The following FAR2 variants were observed in gnomAD, a reference collection of about 807,000 sequenced individuals.
The protein encoded by FAR2 is epididymis secretory protein Li 81.
FAR2 carries 19 observed loss-of-function variants against 56.0 expected under a neutral mutation model. The observed-to-expected ratio is 0.34, with a 90% CI of 0.24 to 0.50. The LOEUF is 0.50. Ranked by LOEUF, FAR2 falls within the 20% of genes least tolerant of loss-of-function variation. The probability of loss-of-function intolerance (pLI) is 0.98; values close to 1 mark genes in which losing one functional copy is unlikely to be tolerated. For synonymous variants in FAR2, 219 were observed against 218.8 expected (o/e 1.00, Z -0.01); for missense variants, 508 against 642.2 (o/e 0.79, Z 2.26).
At chr12:29,312,765 C>T (rs1949375609) in intron 8 of FAR2, among the ~76,000 whole-genome samples, 2 of 152,072 alleles carry the variant, frequency 1.3e-5, no homozygotes, top group East Asian at 3.9e-4. Flanking sequence ...TTCTTACTAC[C>T]TACTAATGCA....
chr12:29,181,483 T>C (rs1949991164), intron 1 of FAR2, among the ~76,000 whole-genome samples: 1 of 152,212 alleles, frequency 6.6e-6, no homozygotes, highest in Non-Finnish European at 1.5e-5. Flanking sequence ...CTGGTCAGCT[T>C]GTGTTTTCAC....
chr12:29,272,946 A>T (rs1321192381), intron 2 of FAR2, among the ~76,000 whole-genome samples: 1 of 151,922 alleles, frequency 6.6e-6, no homozygotes, highest in Non-Finnish European at 1.5e-5. Context: ...GGCCTTATTC[A>T]TCTGATTTTC....
chr12:29,265,085 A>G (rs549314408), intron 1 of FAR2, among the ~76,000 whole-genome samples: 15 of 152,362 alleles, frequency 9.8e-5, no homozygotes, highest in African/African-American at 3.6e-4. Context: ...CAATATTGTT[A>G]AAATGCCTAT....
intron 9 of FAR2, among the ~76,000 whole-genome samples, chr12:29,320,008 A>G (rs902023307): frequency 1.6e-4 from 24 of 152,122 alleles, no homozygotes; most frequent in African/African-American, 5.8e-4. Context: ...TCAAGACCAG[A>G]CTAGGCAACA....
intron 1 of FAR2, among the ~76,000 whole-genome samples, chr12:29,200,288 C>A (rs187221527): frequency 3.9e-5 from 6 of 152,244 alleles, no homozygotes; most frequent in Admixed American, 2.6e-4. Flanking sequence ...CAAACCATGC[C>A]ATGAGGCCAG....
intron 1 of FAR2, among the ~76,000 whole-genome samples, chr12:29,176,416 C>G (rs1020911997): frequency 1.3e-5 from 2 of 152,190 alleles, no homozygotes; most frequent in African/African-American, 4.8e-5. Context: ...GGCAGGTCAT[C>G]TGTCAGTCTC....
intron 1 of FAR2, among the ~76,000 whole-genome samples, chr12:29,176,628 A>C (rs565208544): frequency 2.0e-5 from 3 of 152,262 alleles, no homozygotes; most frequent in Non-Finnish European, 4.4e-5. Context: ...TATTTGAACA[A>C]AAAGTCAAAA....
chr12:29,275,535 C>T (rs923652364), intron 2 of FAR2, among the ~76,000 whole-genome samples: 1 of 152,066 alleles, frequency 6.6e-6, no homozygotes, highest in East Asian at 1.9e-4. Flanking sequence ...GAGGAATCGC[C>T]ACACTGACTT....
chr12:29,270,399 T>C lies in FAR2; in HGVS notation c.-38-13T>C, dbSNP rs555965666. Reference sequence around the variant, plus strand: ...TGAAGATGTAATCTTTTGTTATTTCTCTTCCTTTTCAGGAACCTCTTTCAG... The same window carrying C: ...TGAAGATGTAATCTTTTGTTATTTCCCTTCCTTTTCAGGAACCTCTTTCAG... On this transcript the variant is annotated splice_polypyrimidine_tract_variant and intron_variant, in intron 1 of 11. Coordinates refer to ENST00000536681, the MANE Select transcript of FAR2 (RefSeq NM_001271783.2). 8 of 1,463,814 alleles carry C rather than the reference T, an allele frequency of 5.5e-6. No homozygotes were observed. Among genetic ancestry groups the C allele is most frequent in the Middle Eastern group, 3.7e-4 (2 of 5,460 alleles). The allele number at this position is 1,463,814 out of a possible 1,614,324, so 90.7% of individuals were successfully genotyped here.
chr12:29,311,691 CACAT>C (rs1046893883), intron 7 of FAR2, among the ~76,000 whole-genome samples, 188 bp from the exon 8 acceptor site: 36 of 151,728 alleles, frequency 2.4e-4, no homozygotes, highest in African/African-American at 4.1e-4. Context: ...CACACACACA[CACAT>C]GCTTTTCCTA....
At chr12:29,152,821 G>C (rs1260533113) in intron 1 of FAR2, among the ~76,000 whole-genome samples, 1 of 152,194 alleles carries the variant, frequency 6.6e-6, no homozygotes, top group East Asian at 1.9e-4. Context: ...CCCAAGAAGA[G>C]AATAAAATAA....
At chr12:29,166,503 C>T (rs903656172) in intron 1 of FAR2, among the ~76,000 whole-genome samples, 2 of 152,148 alleles carry the variant, frequency 1.3e-5, no homozygotes, top group African/African-American at 2.4e-5. Flanking sequence ...TCTGTCAGTC[C>T]TTGTTGCTGT....
intron 2 of FAR2, among the ~76,000 whole-genome samples, chr12:29,291,150 TAGAA>T (rs750302495): frequency 1.3e-5 from 2 of 151,410 alleles, no homozygotes; most frequent in South Asian, 2.1e-4. Flanking sequence ...TAAAGAAAAA[TAGAA>T]AGAGTTTCCC....
In FAR2 at chr12:29,311,889, G is replaced by T. The variant is rs200768600; in HGVS notation, c.894G>T (p.Lys298Asn). 65 of 1,605,582 alleles carry T rather than the reference G, an allele frequency of 4.0e-5. No individual in the cohort carries two copies. The highest frequency in any genetic ancestry group is 4.3e-5 in the Non-Finnish European group (51 of 1,175,856). ...VGWYTAVHRP[K>N]STLVYHITSG... ...TTTTTATTTCATTTTCCAGACCTAA[G>T]TCAACATTAGTCTACCACATTACAT... The change falls in exon 8 of 12, where the codon AAG becomes AAT. Residue 298 changes from lysine to asparagine, a missense_variant. Transcript: ENST00000536681.
intron 1 of FAR2, among the ~76,000 whole-genome samples, chr12:29,211,900 A>T (rs1947553994): frequency 6.7e-6 from 1 of 148,958 alleles, no homozygotes; most frequent in Non-Finnish European, 1.5e-5. Flanking sequence ...TGAAAAGGGA[A>T]AATTTGGACA....
At chr12:29,262,713 G>A (rs1312991835) in intron 1 of FAR2, among the ~76,000 whole-genome samples, 1 of 152,016 alleles carries the variant, frequency 6.6e-6, no homozygotes, top group South Asian at 2.1e-4. Flanking sequence ...TCACTAAAAG[G>A]AAGACAGGAA....
At chr12:29,152,883 A>G (rs1382290920) in intron 1 of FAR2, among the ~76,000 whole-genome samples, 1 of 152,228 alleles carries the variant, frequency 6.6e-6, no homozygotes, top group African/African-American at 2.4e-5. Flanking sequence ...GATAGCCCTT[A>G]AAGTTCTGCA....
At chr12:29,190,158 T>A (rs1244390321) in intron 1 of FAR2, among the ~76,000 whole-genome samples, 2 of 152,160 alleles carry the variant, frequency 1.3e-5, no homozygotes, top group Non-Finnish European at 2.9e-5. Flanking sequence ...GAGAAGCTCT[T>A]TAGACAAGGT....
chr12:29,251,184 C>A (rs1948204006), intron 1 of FAR2, among the ~76,000 whole-genome samples: 1 of 152,180 alleles, frequency 6.6e-6, no homozygotes, highest in Non-Finnish European at 1.5e-5. Context: ...TGTAGCTTGA[C>A]TCATCAAAAC....
Sources: allele counts gnomAD v4.1 joint callset (sites outside exome capture counted in the v4.1 genomes callset), GRCh38; gene constraint gnomAD v4.1.1; transcripts MANE v1.5; gene names NCBI Gene and HGNC (gene_info 2026-07-23, HGNC 2026-07-21).